TENM2: variants seen among roughly 807,000 people sequenced by gnomAD.
TENM2 encodes the protein teneurin-2.
Under a neutral mutation model 245.2 loss-of-function variants are expected in TENM2, and 52 were observed. The ratio of observed to expected loss-of-function variants is 0.21; its 90% CI spans 0.17 to 0.27. The LOEUF (loss-of-function observed/expected upper bound fraction) is 0.27, where lower values mean the gene tolerates loss of function less well. Ranked by LOEUF, TENM2 falls within the 10% of genes least tolerant of loss-of-function variation. The pLI is 1.00. For missense variants in TENM2, 3,046 were observed against 3,666.8 expected (o/e 0.83, Z 4.37); for synonymous variants, 1,363 against 1,438.9 (o/e 0.95, Z 1.19).
At chr5:167,647,746 T>A (rs1780062941) in intron 2 of TENM2, among the ~76,000 whole-genome samples, 1 of 152,194 alleles carries the variant, frequency 6.6e-6, no homozygotes, top group South Asian at 2.1e-4. Flanking sequence ...ACGACTGCCC[T>A]GGAGGTGCCC....
intron 2 of TENM2, among the ~76,000 whole-genome samples, chr5:167,700,584 C>G (rs1325479901): frequency 1.3e-5 from 2 of 152,184 alleles, no homozygotes; most frequent in Admixed American, 6.5e-5. Context: ...ACTTTACTCA[C>G]AGAGTCCTTG....
chr5:167,150,388 TG>T, the TENM2 span, among the ~76,000 whole-genome samples: 1 of 152,362 alleles, frequency 6.6e-6, no homozygotes, highest in South Asian at 2.1e-4. Context: ...AAAGAATTTT[TG>T]TTATGTGAGG....
intron 2 of TENM2, among the ~76,000 whole-genome samples, chr5:167,411,355 A>C (rs896060469): frequency 1.3e-5 from 2 of 152,166 alleles, no homozygotes; most frequent in African/African-American, 2.4e-5. Context: ...CAATAAACAC[A>C]TAATATTTGA....
chr5:167,865,782 A>AT (rs1200613520), intron 2 of TENM2, among the ~76,000 whole-genome samples: 1 of 152,214 alleles, frequency 6.6e-6, no homozygotes, highest in Non-Finnish European at 1.5e-5. Flanking sequence ...GGAAAAAAAC[A>AT]TACATTTAAA....
Position 168,195,551 on chromosome 5 carries a change from C to CGTGTGTGT in TENM2, c.2900+309_2900+316dup, listed in dbSNP as rs35040257. 6.9e-4 allele frequency among the ~76,000 whole-genome samples: 68 copies of CGTGTGTGT among 98,236 alleles called. 1 individual carries two copies. The highest frequency in any genetic ancestry group is 1.1e-3 in the Non-Finnish European group (51 of 47,672). The allele number at this position is 98,236 out of a possible 152,430, so 64.4% of individuals were successfully genotyped here. ...GTTTTTTTAATGTCAGGTCAATGCA[C>CGTGTGTGT]GTGTGTGTGTGTGTGTGTGTGTGTG... is the stretch of plus-strand genomic sequence containing the variant. On this transcript the variant is annotated intron_variant, in intron 15 of 28. Transcript: ENST00000518659.
intron 2 of TENM2, among the ~76,000 whole-genome samples, chr5:167,700,036 T>C (rs1015821304): frequency 2.6e-5 from 4 of 152,150 alleles, no homozygotes; most frequent in African/African-American, 9.7e-5. Context: ...CATAGCACTT[T>C]TGAGGACATC....
At chr5:167,475,050 G>C (rs986252224) in intron 2 of TENM2, among the ~76,000 whole-genome samples, 1 of 152,046 alleles carries the variant, frequency 6.6e-6, no homozygotes, top group East Asian at 1.9e-4. Flanking sequence ...AAAAATTGTC[G>C]GAGCTAACCA....
At chr5:167,034,486 C>T in the TENM2 span, among the ~76,000 whole-genome samples, 177 of 151,842 alleles carry the variant, frequency 1.2e-3, no homozygotes, top group Middle Eastern at 3.4e-3. Flanking sequence ...AAAAATTAGC[C>T]GGGCGTGGTG....
intron 2 of TENM2, among the ~76,000 whole-genome samples, chr5:167,801,808 A>G (rs1352801058): frequency 6.6e-6 from 1 of 152,116 alleles, no homozygotes; most frequent in Non-Finnish European, 1.5e-5. Context: ...GGTGGGGCCA[A>G]TAGGCAGAGA....
At chr5:167,881,281 T>C (rs1172023376) in intron 3 of TENM2, among the ~76,000 whole-genome samples, 1 of 152,230 alleles carries the variant, frequency 6.6e-6, no homozygotes, top group Non-Finnish European at 1.5e-5. Context: ...CTGATAATAC[T>C]ATCTTGCTCT....
At chr5:168,233,403 G>T (rs1237740526) in intron 25 of TENM2, among the ~76,000 whole-genome samples, 17 of 152,186 alleles carry the variant, frequency 1.1e-4, no homozygotes, top group Admixed American at 1.1e-3. Flanking sequence ...TGTATCCCTG[G>T]TGACAAGTGC....
At chr5:167,580,323 C>T (rs748044418) in intron 2 of TENM2, among the ~76,000 whole-genome samples, 1 of 152,134 alleles carries the variant, frequency 6.6e-6, no homozygotes, top group African/African-American at 2.4e-5. Flanking sequence ...TCACTAAAGT[C>T]GACTGGATAA....
chr5:167,247,158 A>C, the TENM2 span, among the ~76,000 whole-genome samples: 3 of 152,178 alleles, frequency 2.0e-5, no homozygotes, highest in Non-Finnish European at 4.4e-5. Context: ...ACAACGCAAG[A>C]GCTAAATGAA....
intron 1 of TENM2, among the ~76,000 whole-genome samples, chr5:167,293,368 A>ATTTT (rs199972172): frequency 6.9e-5 from 9 of 130,534 alleles, no homozygotes; most frequent in African/African-American, 1.4e-4. Context: ...TGTCCGGCTA[A>ATTTT]TTTTTTTTTT....
At chr5:167,035,777 T>C in the TENM2 span, among the ~76,000 whole-genome samples, 1 of 152,228 alleles carries the variant, frequency 6.6e-6, no homozygotes, top group African/African-American at 2.4e-5. Context: ...TTTCACTCTG[T>C]CACCTAGGCT....
At chr5:167,162,352 G>T in the TENM2 span, among the ~76,000 whole-genome samples, 2 of 152,074 alleles carry the variant, frequency 1.3e-5, no homozygotes, top group East Asian at 3.9e-4. Context: ...TAAAAGCCGG[G>T]CATGGTGGCT....
chr5:168,254,516 A>G (rs1325538571), intron 27 of TENM2, among the ~76,000 whole-genome samples: 1 of 151,860 alleles, frequency 6.6e-6, no homozygotes, highest in Non-Finnish European at 1.5e-5. Flanking sequence ...GAGGAAGAGG[A>G]AGAAAGGGAG....
At chr5:167,517,366 A>C (rs2127577686) in intron 2 of TENM2, among the ~76,000 whole-genome samples, 1 of 152,268 alleles carries the variant, frequency 6.6e-6, no homozygotes. Flanking sequence ...GGCATTTACA[A>C]ATGTGATTGT....
chr5:167,316,314 G>A (rs1425611897), intron 1 of TENM2, among the ~76,000 whole-genome samples: 2 of 152,122 alleles, frequency 1.3e-5, no homozygotes, highest in African/African-American at 4.8e-5. Context: ...ATCACCAATG[G>A]ATAAATTACC....
Sources: gnomAD v4.1 joint callset for allele counts (sites outside exome capture counted in the v4.1 genomes callset) on GRCh38, gnomAD v4.1.1 for gene constraint, MANE v1.5 for transcripts, NCBI Gene and HGNC (gene_info 2026-07-23, HGNC 2026-07-21) for gene names.